Variants in CCDC138 observed in about 807,000 individuals in gnomAD.
CCDC138 encodes the protein coiled-coil domain containing 138.
A neutral mutation model predicts 82.3 loss-of-function variants in CCDC138; 66 were observed. That is an observed-to-expected ratio of 0.80 (90% CI 0.66 to 0.98). The LOEUF (loss-of-function observed/expected upper bound fraction) is 0.98. Ranked by LOEUF, CCDC138 falls within the 50% of genes least tolerant of loss-of-function variation. CCDC138 has a pLI of 0.00. For synonymous variants in CCDC138, 297 were observed against 265.4 expected (o/e 1.12, Z -1.16); for missense variants, 816 against 758.9 (o/e 1.08, Z -0.88).
intron 1 of CCDC138, among the ~76,000 whole-genome samples, 194 bp downstream of exon 1, chr2:108,787,109 C>A (rs2149353354): frequency 6.6e-6 from 1 of 152,128 alleles, no homozygotes; most frequent in Middle Eastern, 3.4e-3. Context: ...GCGGGGGTGC[C>A]GCTTCACCTA....
intron 10 of CCDC138, among the ~76,000 whole-genome samples, chr2:108,816,747 G>A (rs1170188091): frequency 1.3e-5 from 2 of 152,156 alleles, no homozygotes; most frequent in African/African-American, 2.4e-5. Context: ...CTAGGCTGGA[G>A]TGCAGTGGCC....
chr2:108,881,843 A>G (rs941619055), intron 1 of CCDC138, among the ~76,000 whole-genome samples: 6 of 152,174 alleles, frequency 3.9e-5, no homozygotes, highest in Admixed American at 3.9e-4. Flanking sequence ...CAATTACAAT[A>G]GTAACATCAG....
chr2:108,793,053 C>G (rs1203925272), intron 4 of CCDC138, among the ~76,000 whole-genome samples: 2 of 136,900 alleles, frequency 1.5e-5, no homozygotes, highest in African/African-American at 2.8e-5. Context: ...GACAGAGAGA[C>G]TCTGTCTCAA....
rs895658965 is a variant in CCDC138 at position 108,846,614 on chromosome 2, C to A, written c.1324-124C>A. On this transcript the variant is annotated intron_variant, in intron 11 of 14. Coordinates refer to ENST00000295124, the MANE Select transcript of CCDC138 (RefSeq NM_144978.3). ...ATTGCTTGAGCCCAGGAGTTTGAGG[C>A]TGCAGTGAGCCATGATTGCGCTACT... 25 of 723,092 alleles carry A rather than the reference C, an allele frequency of 3.5e-5. No homozygotes were observed. In the Admixed American group the frequency reaches 5.0e-4, roughly 14 times the overall value. The allele number at this position is 723,092 out of a possible 1,614,324, so 44.8% of individuals were successfully genotyped here.
intron 7 of CCDC138, among the ~76,000 whole-genome samples, chr2:108,806,072 CTTG>C (rs1269274129): frequency 1.3e-5 from 2 of 152,190 alleles, no homozygotes; most frequent in Non-Finnish European, 1.5e-5. Context: ...TTAATCTCTA[CTTG>C]TTGTGATCCT....
chr2:108,798,427 G>T lies in CCDC138; in HGVS notation c.577-1G>T. 6.2e-7 allele frequency: 1 copy of T among 1,611,008 alleles called. No homozygotes were observed. The highest frequency in any genetic ancestry group is 8.5e-7 in the Non-Finnish European group (1 of 1,178,886). On this transcript the variant is annotated splice_acceptor_variant, in intron 5 of 14. Coordinates refer to ENST00000295124, the MANE Select transcript of CCDC138 (RefSeq NM_144978.3). LOFTEE classifies it high-confidence loss of function. The stretch of plus-strand genomic sequence containing the variant: ...CATTAAAGTCTGGCATTTTGATACA[G>T]TGTGAAACTGCAGCACAACAGAAAT...
chr2:108,806,707 A>G (rs755762924), intron 7 of CCDC138, among the ~76,000 whole-genome samples: 35 of 152,238 alleles, frequency 2.3e-4, no homozygotes, highest in Non-Finnish European at 4.4e-4. Context: ...TCCTGGCTAG[A>G]TGAATAACAT....
At position 108,800,979 on chromosome 2, in the gene CCDC138, A is replaced by G. The variant is rs1173954003; in HGVS notation, c.735+2393A>G. The stretch of plus-strand genomic sequence containing the variant: ...AACTCATCATTTTTTATGGCTGCAT[A>G]GTATTCCATGGTATATATGTGCCAC... On this transcript the variant is annotated intron_variant, in intron 6 of 14. Transcript: ENST00000295124. Among the ~76,000 whole-genome samples, 2 of 77,798 alleles carry G rather than the reference A, an allele frequency of 2.6e-5. 1 individual carries two copies. Among genetic ancestry groups the G allele is most frequent in the Non-Finnish European group, 5.6e-5 (2 of 36,010 alleles). 51.0% of individuals were successfully genotyped at this position (77,798 alleles called of 152,430 possible). A position where few individuals can be genotyped will look rare whatever the true frequency, so the allele number is the denominator to read the frequency against.
At chr2:108,790,692 C>G (rs1482395312) in intron 3 of CCDC138, among the ~76,000 whole-genome samples, 4 of 152,232 alleles carry the variant, frequency 2.6e-5, no homozygotes, top group Non-Finnish European at 2.9e-5. Context: ...CAGAGTGAGA[C>G]TCCGTCTCAA....
At chr2:108,803,400 T>G (rs1022366046) in intron 6 of CCDC138, among the ~76,000 whole-genome samples, 1 of 152,080 alleles carries the variant, frequency 6.6e-6, no homozygotes, top group Non-Finnish European at 1.5e-5. Flanking sequence ...CTCATTTCTT[T>G]AGTGGACATT....
intron 13 of CCDC138, among the ~76,000 whole-genome samples, chr2:108,860,440 C>G (rs908666365): frequency 6.6e-6 from 1 of 151,658 alleles, no homozygotes; most frequent in Non-Finnish European, 1.5e-5. Context: ...TTCAACTTTT[C>G]CCCATTAAAT....
downstream of CCDC138, among the ~76,000 whole-genome samples, chr2:108,880,262 CA>C (rs1479042983): frequency 3.3e-5 from 5 of 150,448 alleles, no homozygotes; most frequent in South Asian, 1.1e-3. Flanking sequence ...TTGCTAATAC[CA>C]AAAATGATAG....
Position 108,839,273 on chromosome 2 carries a change from C to G in CCDC138, c.1295C>G (p.Ser432Cys). The change falls in exon 11 of 15, where the codon TCC becomes TGC. Residue 432 changes from serine (S) to cysteine (C), a missense_variant. Transcript: ENST00000295124. ...HEPFVKFIYW[S>C]LRQLDAGAQH... ...CCTTTTGTAAAATTTATATATTGGT[C>G]CCTAAGGCAGCTAGATGCTGGAGCA... 1 of 1,612,096 alleles carries G rather than the reference C, an allele frequency of 6.2e-7. No homozygotes were observed. Among genetic ancestry groups the G allele is most frequent in the Non-Finnish European group, 8.5e-7 (1 of 1,179,084 alleles).
chr2:108,849,017 A>T (rs1270032899), intron 12 of CCDC138, among the ~76,000 whole-genome samples: 1 of 152,166 alleles, frequency 6.6e-6, no homozygotes, highest in Non-Finnish European at 1.5e-5. Flanking sequence ...TGGTAAGGGG[A>T]TACATGGAAG....
chr2:108,828,746 A>C (rs1687058261), intron 10 of CCDC138, among the ~76,000 whole-genome samples: 2 of 152,186 alleles, frequency 1.3e-5, no homozygotes, highest in Admixed American at 1.3e-4. Context: ...TGGGAGGCTG[A>C]GGTGGACAGA....
At chr2:108,856,734 G>GT in intron 12 of CCDC138, 60 bp from the exon 13 acceptor site, 2 of 1,509,530 alleles carry the variant, frequency 1.3e-6, no homozygotes, top group Admixed American at 4.4e-5. Flanking sequence ...TTTACCTTCT[G>GT]TTTCTGATTG....
intron 5 of CCDC138, among the ~76,000 whole-genome samples, chr2:108,796,851 A>G (rs968694535): frequency 6.6e-6 from 1 of 152,148 alleles, no homozygotes; most frequent in Non-Finnish European, 1.5e-5. Context: ...AAGAGAGGTT[A>G]GTTAATGGGT....
intron 4 of CCDC138, among the ~76,000 whole-genome samples, chr2:108,793,869 TGG>T (rs1370732163): frequency 6.6e-6 from 1 of 152,016 alleles, no homozygotes; most frequent in African/African-American, 2.4e-5. Flanking sequence ...CCCAAAGTGC[TGG>T]GATTATAGGC....
At chr2:108,875,284 C>T (rs1161209279) in intron 14 of CCDC138, among the ~76,000 whole-genome samples, 3 of 143,388 alleles carry the variant, frequency 2.1e-5, no homozygotes, top group African/African-American at 8.1e-5. Flanking sequence ...CTAACCTGCA[C>T]AATGTGCACA....
Sources: allele counts gnomAD v4.1 joint callset (sites outside exome capture counted in the v4.1 genomes callset), GRCh38; gene constraint gnomAD v4.1.1; transcripts MANE v1.5; gene names NCBI Gene and HGNC (gene_info 2026-07-23, HGNC 2026-07-21).